Variants in CDKAL1 observed in about 807,000 individuals in gnomAD.
CDKAL1 encodes the protein threonylcarbamoyladenosine tRNA methylthiotransferase.
CDKAL1 carries 32 observed loss-of-function variants against 68.2 expected under a neutral mutation model. That is an observed-to-expected ratio of 0.47 (90% CI 0.35 to 0.63). The LOEUF is 0.63. CDKAL1 is among the 30% of genes least tolerant of loss of function. The probability of loss-of-function intolerance (pLI) is 0.00; values close to 1 mark genes in which losing one functional copy is unlikely to be tolerated. For missense variants in CDKAL1, 606 were observed against 696.7 expected (o/e 0.87, Z 1.47); for synonymous variants, 234 against 244.3 (o/e 0.96, Z 0.39).
chr6:21,218,733 G>A (rs974780346), intron 15 of CDKAL1, among the ~76,000 whole-genome samples: 95 of 152,206 alleles, frequency 6.2e-4, no homozygotes, highest in African/African-American at 2.1e-3. Flanking sequence ...CAAGCAGAGA[G>A]AGAGAGAGAT....
Position 20,720,008 on chromosome 6 carries a change from C to T in CDKAL1, c.372-19511C>T, listed in dbSNP as rs1261220973. ...CCTTACAGTTTACCTGTTGAAGAAC[C>T]TGGGCCTTTTGACCTGTAGCCTTTC... On this transcript the variant is annotated intron_variant, in intron 5 of 15. Coordinates refer to ENST00000274695, the MANE Select transcript of CDKAL1 (RefSeq NM_017774.3). 2.0e-5 allele frequency among the ~76,000 whole-genome samples: 3 copies of T among 152,184 alleles called. No individual in the cohort carries two copies. The East Asian group carries it at 5.8e-4, about 29-fold the overall frequency.
At chr6:21,021,133 T>A (rs201289) in intron 11 of CDKAL1, among the ~76,000 whole-genome samples, 147,274 of 152,308 alleles carry the variant, frequency 0.97, 71,209 homozygotes, top group East Asian at 1. Context: ...ATAGGGCCAG[T>A]TAAACTGATA....
chr6:20,698,871 T>C (rs947775095), intron 5 of CDKAL1, among the ~76,000 whole-genome samples: 2 of 152,200 alleles, frequency 1.3e-5, no homozygotes, highest in Admixed American at 1.3e-4. Context: ...TTGGTGTTCC[T>C]GTCAGTGACT....
At chr6:20,668,942 A>G (rs1319727295) in intron 5 of CDKAL1, among the ~76,000 whole-genome samples, 2 of 152,166 alleles carry the variant, frequency 1.3e-5, no homozygotes, top group Non-Finnish European at 2.9e-5. Context: ...TATGCATTTT[A>G]TCAAGAATAT....
chr6:21,140,367 T>C (rs1346868685), intron 13 of CDKAL1, among the ~76,000 whole-genome samples: 1 of 152,230 alleles, frequency 6.6e-6, no homozygotes, highest in Non-Finnish European at 1.5e-5. Flanking sequence ...AGACCAAATG[T>C]AAACACTAGA....
chr6:21,151,820 A>G (rs1472328931), intron 13 of CDKAL1, among the ~76,000 whole-genome samples: 2 of 152,196 alleles, frequency 1.3e-5, no homozygotes, highest in African/African-American at 2.4e-5. Flanking sequence ...TGATAAAAGT[A>G]TTGAACAATT....
intron 10 of CDKAL1, among the ~76,000 whole-genome samples, chr6:20,972,700 A>G (rs1765654044): frequency 6.6e-6 from 1 of 151,972 alleles, no homozygotes; most frequent in Non-Finnish European, 1.5e-5. Flanking sequence ...AAGCTTATGG[A>G]CCTCCCTTCT....
intron 10 of CDKAL1, among the ~76,000 whole-genome samples, chr6:20,986,870 T>C (rs1429085750): frequency 2.0e-5 from 3 of 152,134 alleles, no homozygotes; most frequent in African/African-American, 4.8e-5. Context: ...AGTTAGAATT[T>C]TGAGAGTTTA....
At chr6:20,589,706 TCTCATATTATTA>T (rs1765515376) in intron 4 of CDKAL1, among the ~76,000 whole-genome samples, 1 of 132,284 alleles carries the variant, frequency 7.6e-6, no homozygotes, top group African/African-American at 3.2e-5. Context: ...TATTAGTTTT[TCTCATATTATTA>T]GTTTTTCTCA....
At chr6:21,131,619 G>A (rs988112556) in intron 13 of CDKAL1, among the ~76,000 whole-genome samples, 6 of 152,000 alleles carry the variant, frequency 3.9e-5, no homozygotes, top group African/African-American at 1.4e-4. Context: ...TCATGAGAGA[G>A]GATTACTGAG....
At chr6:21,222,968 C>T (rs1006582873) in intron 15 of CDKAL1, among the ~76,000 whole-genome samples, 2 of 152,080 alleles carry the variant, frequency 1.3e-5, no homozygotes, top group African/African-American at 2.4e-5. Flanking sequence ...GCATACTCAG[C>T]GATGTGCCAT....
At chr6:20,871,233 C>T (rs552442823) in intron 9 of CDKAL1, among the ~76,000 whole-genome samples, 3 of 152,112 alleles carry the variant, frequency 2.0e-5, no homozygotes, top group Non-Finnish European at 4.4e-5. Context: ...TGAACATTTT[C>T]GTGATATATG....
At chr6:20,560,139 C>A (rs1456150747) in intron 4 of CDKAL1, among the ~76,000 whole-genome samples, 1 of 152,144 alleles carries the variant, frequency 6.6e-6, no homozygotes, top group Non-Finnish European at 1.5e-5. Context: ...ATTACATGAT[C>A]ACTGCAGTTA....
intron 5 of CDKAL1, chr6:20,722,649 C>CA (rs746271613): frequency 2.3e-5 from 4 of 171,752 alleles, no homozygotes; most frequent in South Asian, 1.4e-4. Flanking sequence ...AAAACAAAAC[C>CA]AAAAAAACAG....
intron 15 of CDKAL1, among the ~76,000 whole-genome samples, chr6:21,216,990 C>T (rs1203454363): frequency 1.3e-5 from 2 of 152,196 alleles, no homozygotes; most frequent in African/African-American, 4.8e-5. Context: ...CTGCCATTAC[C>T]AGCAGCAGTG....
intron 4 of CDKAL1, among the ~76,000 whole-genome samples, chr6:20,645,260 C>G (rs1332755770): frequency 1.3e-5 from 2 of 152,060 alleles, no homozygotes; most frequent in African/African-American, 4.8e-5. Flanking sequence ...TAAATTTATA[C>G]AAAATATTTT....
rs185037094 is a variant in CDKAL1, at chr6:20,866,098, T to A, written c.742+19920T>A. 5.3e-3 allele frequency among the ~76,000 whole-genome samples: 806 copies of A among 152,290 alleles called. 4 individuals are homozygous for A. Among genetic ancestry groups the A allele is most frequent in the Non-Finnish European group, 7.9e-3 (534 of 68,002 alleles). ...CCAAAGAAAGAAAAAATAAACCTACTTTTGTTTCTAGTTTATTTGCAAACC... is the reference window on the plus strand; with the variant it reads ...CCAAAGAAAGAAAAAATAAACCTACATTTGTTTCTAGTTTATTTGCAAACC... On this transcript the variant is annotated intron_variant, in intron 9 of 15. Coordinates refer to ENST00000274695, the MANE Select transcript of CDKAL1 (RefSeq NM_017774.3).
At chr6:20,806,846 A>C (rs558632237) in intron 8 of CDKAL1, among the ~76,000 whole-genome samples, 1 of 152,340 alleles carries the variant, frequency 6.6e-6, no homozygotes, top group East Asian at 1.9e-4. Context: ...TTAATAAAGC[A>C]TTACTTAGTT....
chr6:20,638,434 G>T (rs1332334876), intron 4 of CDKAL1, among the ~76,000 whole-genome samples: 1 of 152,016 alleles, frequency 6.6e-6, no homozygotes, highest in African/African-American at 2.4e-5. Flanking sequence ...TAGGCCTAAG[G>T]GCCTGACAGC....
Sources: allele counts gnomAD v4.1 joint callset (sites outside exome capture counted in the v4.1 genomes callset), GRCh38; gene constraint gnomAD v4.1.1; transcripts MANE v1.5; gene names NCBI Gene and HGNC (gene_info 2026-07-23, HGNC 2026-07-21).